CFAP61: variants seen among roughly 807,000 people sequenced by gnomAD.
CFAP61 encodes the protein cilia and flagella associated protein 61, also known as cilia- and flagella-associated protein 61.
CFAP61 carries 107 observed loss-of-function variants against 135.6 expected under a neutral mutation model. The observed-to-expected ratio is 0.79, with a 90% CI of 0.67 to 0.93. CFAP61 has a LOEUF of 0.93. Among genes scored for constraint, CFAP61 ranks in the 40% least tolerant of loss-of-function variants. The pLI is 0.00. For missense variants in CFAP61, 1,507 were observed against 1,556.2 expected (o/e 0.97, Z 0.53); for synonymous variants, 575 against 578.5 (o/e 0.99, Z 0.09).
chr20:20,341,782 T>G, intron 25 of CFAP61, 49 bp from the exon 26 acceptor site: 1 of 1,287,148 alleles, frequency 7.8e-7, no homozygotes, highest in Non-Finnish European at 1.1e-6. Context: ...ACTTTATTAG[T>G]GGTAATGAGA....
At position 20,115,937 on chromosome 20, in the gene CFAP61, T is replaced by G. The variant is rs534478330; in HGVS notation, c.859+17123T>G. Among the ~76,000 whole-genome samples, 192 of 152,340 alleles carry G rather than the reference T, an allele frequency of 1.3e-3. 1 individual carries two copies. The highest frequency in any genetic ancestry group is 3.7e-3 in the South Asian group (18 of 4,830). On this transcript the variant is annotated intron_variant, in intron 8 of 26. Transcript: ENST00000245957. ...TAGCTCTTCAGTGTACTGATTTGAT[T>G]TCTTTTGAATATATACCTAGCACTG...
chr20:20,164,356 T>C, intron 11 of CFAP61, 128 bp downstream of exon 11: 2 of 912,852 alleles, frequency 2.2e-6, no homozygotes, highest in Non-Finnish European at 3.2e-6. Context: ...TGGGGAATTT[T>C]TTAAAACACA....
chr20:20,084,373 TG>T (rs562661020), intron 6 of CFAP61, among the ~76,000 whole-genome samples: 18 of 151,766 alleles, frequency 1.2e-4, no homozygotes, highest in Non-Finnish European at 2.2e-4. Context: ...ATGAGGAGGC[TG>T]TGCCAGGATT....
chr20:20,093,487 T>A (rs1035505896), intron 7 of CFAP61, among the ~76,000 whole-genome samples: 1 of 147,818 alleles, frequency 6.8e-6, no homozygotes, highest in Non-Finnish European at 1.5e-5. Context: ...CAGGCTGGAG[T>A]GCAGTGATGT....
At chr20:20,122,512 CAT>C (rs1460022069) in intron 8 of CFAP61, among the ~76,000 whole-genome samples, 13 of 152,218 alleles carry the variant, frequency 8.5e-5, no homozygotes, top group African/African-American at 2.9e-4. Context: ...TCAGTGAAAA[CAT>C]ATGATATCTG....
At chr20:20,191,885 C>A (rs2055947452) in intron 15 of CFAP61, among the ~76,000 whole-genome samples, 1 of 151,880 alleles carries the variant, frequency 6.6e-6, no homozygotes, top group Non-Finnish European at 1.5e-5. Context: ...CCATTCGTTC[C>A]CTTTTGATTT....
intron 8 of CFAP61, among the ~76,000 whole-genome samples, chr20:20,126,291 A>G (rs776282400): frequency 1.3e-4 from 19 of 151,788 alleles, no homozygotes; most frequent in Non-Finnish European, 2.4e-4. Context: ...GCTTTTTAAC[A>G]TGTATTTTTG....
At chr20:20,083,358 G>A (rs1355167900) in intron 6 of CFAP61, among the ~76,000 whole-genome samples, 1 of 151,906 alleles carries the variant, frequency 6.6e-6, no homozygotes, top group Non-Finnish European at 1.5e-5. Flanking sequence ...GGTTCGGAGG[G>A]GGTGAGGAAT....
At chr20:20,209,322 T>C (rs1281204676) in intron 17 of CFAP61, among the ~76,000 whole-genome samples, 3 of 152,246 alleles carry the variant, frequency 2.0e-5, no homozygotes, top group East Asian at 3.8e-4. Flanking sequence ...ACATTTGTTT[T>C]GATTTCCTTT....
intron 9 of CFAP61, among the ~76,000 whole-genome samples, chr20:20,147,882 A>G (rs1237570886): frequency 6.6e-6 from 1 of 152,124 alleles, no homozygotes; most frequent in Non-Finnish European, 1.5e-5. Flanking sequence ...TTATGGTTTC[A>G]GGTCTTAGAT....
In CFAP61 at chr20:20,320,420, TTA is replaced by T. The variant is rs2057416880; in HGVS notation, c.3423-21405_3423-21404del. 5.2e-5 allele frequency among the ~76,000 whole-genome samples: 4 copies of T among 77,156 alleles called. 1 individual carries two copies. The highest frequency in any genetic ancestry group is 1.4e-4 in the African/African-American group (2 of 14,002). 50.6% of individuals were successfully genotyped at this position (77,156 alleles called of 152,430 possible). ...ATATATGTAATATATGTAATATATATTATATATGTAATATAATATATGTAATA... is the reference window on the plus strand; with the variant it reads ...ATATATGTAATATATGTAATATATATTATATGTAATATAATATATGTAATA... On this transcript the variant is annotated intron_variant, in intron 25 of 26. Coordinates refer to ENST00000245957, the MANE Select transcript of CFAP61 (RefSeq NM_015585.4).
chr20:20,232,012 G>A (rs1041194094), intron 18 of CFAP61, among the ~76,000 whole-genome samples: 3 of 152,168 alleles, frequency 2.0e-5, no homozygotes, highest in Admixed American at 2.0e-4. Flanking sequence ...TTCCTTCTCG[G>A]TGCTTCCATT....
At chr20:20,054,362 T>C (rs1393460714) in intron 1 of CFAP61, among the ~76,000 whole-genome samples, 2 of 152,072 alleles carry the variant, frequency 1.3e-5, no homozygotes, top group Non-Finnish European at 1.5e-5. Flanking sequence ...ATTCAGCCCA[T>C]TGACTATTTT....
intron 13 of CFAP61, among the ~76,000 whole-genome samples, chr20:20,169,941 G>A (rs7274007): frequency 0.13 from 19,405 of 152,242 alleles, 1,408 homozygotes; most frequent in Non-Finnish European, 0.15. Flanking sequence ...TTAAATGTAA[G>A]TATTGAAAAC....
chr20:20,065,444 G>A (rs2045174403), intron 2 of CFAP61, among the ~76,000 whole-genome samples: 1 of 151,432 alleles, frequency 6.6e-6, no homozygotes, highest in Admixed American at 6.6e-5. Context: ...ACCTATCTTA[G>A]AAGCCAGCGT....
rs368920540 is a variant in CFAP61, at chr20:20,133,236, C to T, written c.860-9621C>T. ...ACAAACAGCTACAAAACTACAGTGG[C>T]ATACCACAATAAGCATGTATTGTTC... On this transcript the variant is annotated intron_variant, in intron 8 of 26. Coordinates refer to ENST00000245957, the MANE Select transcript of CFAP61 (RefSeq NM_015585.4). Among the ~76,000 whole-genome samples, 31 of 152,370 alleles carry T rather than the reference C, an allele frequency of 2.0e-4. 1 individual carries two copies. The East Asian group carries it at 2.1e-3, about 10-fold the overall frequency.
At chr20:20,164,884 A>G (rs979633214) in intron 11 of CFAP61, among the ~76,000 whole-genome samples, 2 of 152,230 alleles carry the variant, frequency 1.3e-5, no homozygotes, top group African/African-American at 4.8e-5. Context: ...CATGTCTTAC[A>G]TGGCGGCAGG....
intron 7 of CFAP61, among the ~76,000 whole-genome samples, chr20:20,097,939 A>G (rs2047704829): frequency 6.6e-6 from 1 of 152,194 alleles, no homozygotes; most frequent in South Asian, 2.1e-4. Context: ...GCACTGGAAC[A>G]ATGACCTGTA....
chr20:20,234,315 T>C (rs938454993), intron 18 of CFAP61, among the ~76,000 whole-genome samples: 2 of 152,042 alleles, frequency 1.3e-5, no homozygotes, highest in African/African-American at 4.8e-5. Context: ...CAGGGTGAGG[T>C]GAGTAGGCCC....
Sources: allele counts gnomAD v4.1 joint callset (sites outside exome capture counted in the v4.1 genomes callset), GRCh38; gene constraint gnomAD v4.1.1; transcripts MANE v1.5; gene names NCBI Gene and HGNC (gene_info 2026-07-23, HGNC 2026-07-21).